PHACTR4: variants seen among roughly 807,000 people sequenced by gnomAD.
The protein encoded by PHACTR4 is phosphatase and actin regulator 4.
PHACTR4 carries 51 observed loss-of-function variants against 72.7 expected under a neutral mutation model. The observed-to-expected ratio is 0.70, with a 90% CI of 0.56 to 0.89. The LOEUF (loss-of-function observed/expected upper bound fraction) is 0.89, where lower values mean the gene tolerates loss of function less well. Ranked by LOEUF, PHACTR4 falls within the 40% of genes least tolerant of loss-of-function variation. PHACTR4 has a pLI of 0.00. For missense variants in PHACTR4, 731 were observed against 861.8 expected, an observed-to-expected ratio of 0.85 and a Z score of 1.90; for synonymous variants, 255 against 302.5, an observed-to-expected ratio of 0.84 and a Z score of 1.63.
At chr1:28,472,364 A>AT (rs1355629543) in intron 6 of PHACTR4, among the ~76,000 whole-genome samples, 2 of 152,210 alleles carry the variant, frequency 1.3e-5, no homozygotes, top group African/African-American at 4.8e-5. Flanking sequence ...AAGATGCTAT[A>AT]TTTTTTCCCC....
intron 1 of PHACTR4, among the ~76,000 whole-genome samples, chr1:28,401,629 A>G (rs1653953860): frequency 6.6e-6 from 1 of 151,662 alleles, no homozygotes; most frequent in African/African-American, 2.4e-5. Context: ...TAATAGAGGC[A>G]GGGTCTGGCT....
intron 9 of PHACTR4, among the ~76,000 whole-genome samples, chr1:28,488,919 T>A (rs1660870971): frequency 6.6e-6 from 1 of 152,190 alleles, no homozygotes; most frequent in Admixed American, 6.6e-5. Flanking sequence ...ATAGCTCTTA[T>A]CAAGGTCTAG....
intron 2 of PHACTR4, among the ~76,000 whole-genome samples, chr1:28,416,489 A>G (rs1655113920): frequency 1.3e-5 from 2 of 152,336 alleles, no homozygotes; most frequent in South Asian, 4.1e-4. Context: ...AACAGATATT[A>G]TGTAATTATT....
chr1:28,493,637 C>T (rs1570124652), intron 13 of PHACTR4, among the ~76,000 whole-genome samples: 1 of 152,028 alleles, frequency 6.6e-6, no homozygotes, highest in East Asian at 1.9e-4. Flanking sequence ...GTTAACATCC[C>T]CATTTTATCA....
chr1:28,469,529 C>A (rs1245618149), intron 6 of PHACTR4, among the ~76,000 whole-genome samples: 1 of 152,166 alleles, frequency 6.6e-6, no homozygotes, highest in Non-Finnish European at 1.5e-5. Context: ...AACATATATG[C>A]CTTCCTCAAA....
At chr1:28,478,451 T>C (rs909857924) in intron 8 of PHACTR4, among the ~76,000 whole-genome samples, 1 of 151,992 alleles carries the variant, frequency 6.6e-6, no homozygotes, top group African/African-American at 2.4e-5. Context: ...TTTTTTTTAA[T>C]AGACGGAGGC....
intron 8 of PHACTR4, among the ~76,000 whole-genome samples, chr1:28,477,136 A>C (rs946615613): frequency 2.1e-5 from 3 of 144,744 alleles, no homozygotes; most frequent in African/African-American, 7.7e-5. Context: ...TCCAGACTGG[A>C]GTGCAGGGGC....
At chr1:28,409,746 G>A (rs1654629342) in intron 2 of PHACTR4, among the ~76,000 whole-genome samples, 1 of 151,972 alleles carries the variant, frequency 6.6e-6, no homozygotes, top group Non-Finnish European at 1.5e-5. Context: ...CTTTTGTCTT[G>A]CTTTGAGAAG....
intron 6 of PHACTR4, among the ~76,000 whole-genome samples, chr1:28,471,899 G>T (rs371727884): frequency 1.9e-4 from 29 of 152,116 alleles, no homozygotes; most frequent in African/African-American, 6.5e-4. Flanking sequence ...AACATAAGAG[G>T]TGTGCATACC....
intron 1 of PHACTR4, among the ~76,000 whole-genome samples, chr1:28,391,256 G>A (rs1351756207): frequency 1.3e-5 from 2 of 149,360 alleles, no homozygotes; most frequent in African/African-American, 2.5e-5. Context: ...AAAATTAGCC[G>A]GGCGTGGTGG....
chr1:28,482,787 A>T (rs1358362353), intron 9 of PHACTR4, among the ~76,000 whole-genome samples: 3 of 151,880 alleles, frequency 2.0e-5, no homozygotes, highest in Non-Finnish European at 4.4e-5. Flanking sequence ...AAAAAATTAA[A>T]AAATTAGCTG....
chr1:28,394,086 G>A (rs1040971007), intron 1 of PHACTR4, among the ~76,000 whole-genome samples: 11 of 152,088 alleles, frequency 7.2e-5, no homozygotes, highest in African/African-American at 2.4e-4. Flanking sequence ...AGAAGGCACT[G>A]TTATCATAGG....
chr1:28,429,270 A>G (rs997226373), intron 2 of PHACTR4, among the ~76,000 whole-genome samples: 1 of 152,204 alleles, frequency 6.6e-6, no homozygotes, highest in African/African-American at 2.4e-5. Flanking sequence ...AGTTGTGATT[A>G]AATGAGGGAG....
chr1:28,429,885 G>A (rs1004003267), intron 2 of PHACTR4, among the ~76,000 whole-genome samples: 25 of 152,216 alleles, frequency 1.6e-4, no homozygotes, highest in African/African-American at 6.0e-4. Context: ...TTTGTCCTGA[G>A]GTCAGAGAAA....
At chr1:28,483,713 G>C (rs1466471093) in intron 9 of PHACTR4, among the ~76,000 whole-genome samples, 7 of 149,472 alleles carry the variant, frequency 4.7e-5, no homozygotes, top group African/African-American at 1.7e-4. Flanking sequence ...GCAGGAGAAT[G>C]GCATGAACCT....
At chr1:28,401,896 G>C (rs1438773890) in intron 1 of PHACTR4, among the ~76,000 whole-genome samples, 1 of 152,146 alleles carries the variant, frequency 6.6e-6, no homozygotes, top group Non-Finnish European at 1.5e-5. Context: ...ACTGCATCCA[G>C]CTCTGCTTTA....
At chr1:28,382,539 G>A (rs1395161768) in intron 1 of PHACTR4, among the ~76,000 whole-genome samples, 5 of 151,482 alleles carry the variant, frequency 3.3e-5, no homozygotes, top group Non-Finnish European at 7.4e-5. Context: ...TCCTGACCTC[G>A]TGATCCGCCC....
At chr1:28,383,433 C>T (rs1652339708) in intron 1 of PHACTR4, among the ~76,000 whole-genome samples, 1 of 152,108 alleles carries the variant, frequency 6.6e-6, no homozygotes, top group Admixed American at 6.6e-5. Flanking sequence ...CTATACATTT[C>T]TTAGAGCAGT....
intron 9 of PHACTR4, among the ~76,000 whole-genome samples, chr1:28,486,084 TGGTGGCTCACC>T (rs1660626715): frequency 6.6e-6 from 1 of 151,970 alleles, no homozygotes; most frequent in Non-Finnish European, 1.5e-5. Flanking sequence ...AGGCCGGGTG[TGGTGGCTCACC>T]CCTGTAATCC....
Sources: allele counts gnomAD v4.1 joint callset (sites outside exome capture counted in the v4.1 genomes callset), GRCh38; gene constraint gnomAD v4.1.1; transcripts MANE v1.5; gene names NCBI Gene and HGNC (gene_info 2026-07-23, HGNC 2026-07-21).